The following B3GLCT variants were observed in gnomAD, a reference collection of about 807,000 sequenced individuals.
B3GLCT encodes the protein beta 3-glucosyltransferase.
Under a neutral mutation model 63.4 loss-of-function variants are expected in B3GLCT, and 65 were observed. The ratio of observed to expected loss-of-function variants is 1.03; its 90% CI spans 0.84 to 1.26. B3GLCT has a LOEUF of 1.26. B3GLCT is among the 50% of genes most tolerant of loss of function. The pLI is 0.00. For synonymous variants in B3GLCT, 233 were observed against 219.2 expected, an observed-to-expected ratio of 1.06 and a Z score of -0.55; for missense variants, 577 against 604.8, an observed-to-expected ratio of 0.95 and a Z score of 0.48.
At chr13:31,256,599 A>G (rs1234666889) in intron 6 of B3GLCT, among the ~76,000 whole-genome samples, 1 of 152,232 alleles carries the variant, frequency 6.6e-6, no homozygotes, top group African/African-American at 2.4e-5. Context: ...GCCATAAAAA[A>G]GGACGAGTTC....
intron 1 of B3GLCT, among the ~76,000 whole-genome samples, chr13:31,202,595 G>A (rs985289822): frequency 9.9e-5 from 15 of 152,174 alleles, no homozygotes; most frequent in African/African-American, 3.6e-4. Context: ...GGCAGCGGTG[G>A]CAGCAGCACT....
chr13:31,286,108 T>C (rs534859930), intron 11 of B3GLCT, among the ~76,000 whole-genome samples: 1 of 152,306 alleles, frequency 6.6e-6, no homozygotes, highest in Admixed American at 6.5e-5. Flanking sequence ...TCCCAAGTGT[T>C]TTATTTTTGT....
chr13:31,215,233 T>A lies in B3GLCT; in HGVS notation c.120+133T>A, dbSNP rs1869500240. 5 of 985,812 alleles carry A rather than the reference T, an allele frequency of 5.1e-6. No homozygotes were observed. In the South Asian group the frequency reaches 7.2e-5, roughly 14 times the overall value. The allele number at this position is 985,812 out of a possible 1,614,324, so 61.1% of individuals were successfully genotyped here. On this transcript the variant is annotated intron_variant, in intron 2 of 14. Coordinates refer to ENST00000343307, the MANE Select transcript of B3GLCT (RefSeq NM_194318.4). ...CATAATTCATATAATGTGGTCAACA[T>A]GGATTTTGAATCCCTAATGCAACCT...
chr13:31,236,308 A>G lies in B3GLCT; in HGVS notation c.270+7014A>G, dbSNP rs897658023. ...TTTTAGTGCTTTATTCTATGCATCT[A>G]TTTAGCTTTATCACGCTTATACTTA... On this transcript the variant is annotated intron_variant, in intron 4 of 14. Transcript: ENST00000343307. Among the ~76,000 whole-genome samples the G allele has an allele frequency of 5.9e-5, 9 of 152,192 alleles. No individual in the cohort carries two copies. The East Asian group carries it at 1.5e-3, about 26-fold the overall frequency.
At chr13:31,282,484 C>CA (rs956722497) in intron 10 of B3GLCT, among the ~76,000 whole-genome samples, 82 of 151,208 alleles carry the variant, frequency 5.4e-4, no homozygotes, top group African/African-American at 1.8e-3. Flanking sequence ...CTAAAAAATA[C>CA]AAAAAAAATT....
chr13:31,322,272 T>A (rs1027840260), intron 13 of B3GLCT, among the ~76,000 whole-genome samples: 1 of 152,252 alleles, frequency 6.6e-6, no homozygotes, highest in Non-Finnish European at 1.5e-5. Context: ...TGCCATGACC[T>A]ATTTATTGGC....
At position 31,332,234 on chromosome 13, in the gene B3GLCT, T is replaced by C. The variant is rs1405240443; in HGVS notation, c.*2566T>C. ...TGTCTTCCATTCATAATCAGAGATG[T>C]AATTTGTATGGACTAAATAAAAACT... On this transcript the variant is annotated 3_prime_UTR_variant, in exon 15 of 15. Transcript: ENST00000343307. The C allele has an allele frequency of 6.6e-6, 1 of 152,148 alleles. No homozygotes were observed. Among genetic ancestry groups the C allele is most frequent in the Non-Finnish European group, 1.5e-5 (1 of 68,012 alleles). The allele number at this position is 152,148 out of a possible 1,614,324, so 9.4% of individuals were successfully genotyped here.
At chr13:31,251,456 GC>G (rs1432482957) in intron 6 of B3GLCT, among the ~76,000 whole-genome samples, 2 of 152,204 alleles carry the variant, frequency 1.3e-5, no homozygotes, top group Non-Finnish European at 2.9e-5. Flanking sequence ...GTGCAAGGAA[GC>G]TAAGAACCTT....
rs1216965487 is a variant in B3GLCT, at chr13:31,330,725, A to G, written c.*1057A>G. On this transcript the variant is annotated 3_prime_UTR_variant, in exon 15 of 15. Coordinates refer to ENST00000343307, the MANE Select transcript of B3GLCT (RefSeq NM_194318.4). ...TCTTTAATATATAGTAATGTAACAT[A>G]TTCAGTATTAATGTATAAAAAGCAC... The G allele has an allele frequency of 6.6e-6, 1 of 152,182 alleles. No homozygotes were observed. The highest frequency in any genetic ancestry group is 6.5e-5 in the Admixed American group (1 of 15,278). 9.4% of individuals were successfully genotyped at this position (152,182 alleles called of 1,614,324 possible).
At chr13:31,202,533 C>T (rs542710990) in intron 1 of B3GLCT, among the ~76,000 whole-genome samples, 1 of 152,228 alleles carries the variant, frequency 6.6e-6, no homozygotes, top group South Asian at 2.1e-4. Flanking sequence ...CCTTGTTTTC[C>T]TAACAAAACT....
At chr13:31,325,751 G>T (rs532561734) in intron 14 of B3GLCT, among the ~76,000 whole-genome samples, 1 of 152,256 alleles carries the variant, frequency 6.6e-6, no homozygotes, top group South Asian at 2.1e-4. Flanking sequence ...TCCATTTATA[G>T]TGTTTAAACA....
chr13:31,235,275 G>A (rs1176971002), intron 4 of B3GLCT, among the ~76,000 whole-genome samples: 1 of 152,076 alleles, frequency 6.6e-6, no homozygotes, highest in Non-Finnish European at 1.5e-5. Context: ...GGTGTGAGTA[G>A]CTGGAGGCTG....
chr13:31,258,332 A>G (rs1871844838), intron 6 of B3GLCT, among the ~76,000 whole-genome samples: 1 of 152,192 alleles, frequency 6.6e-6, no homozygotes, highest in Non-Finnish European at 1.5e-5. Context: ...TTAAAAACCT[A>G]AGACTTGAGA....
chr13:31,301,409 C>G (rs1874216889), intron 12 of B3GLCT, among the ~76,000 whole-genome samples: 1 of 152,222 alleles, frequency 6.6e-6, no homozygotes, highest in African/African-American at 2.4e-5. Flanking sequence ...TACATATCTT[C>G]TGTTTTACAG....
At chr13:31,270,984 G>A (rs1055564522) in intron 8 of B3GLCT, among the ~76,000 whole-genome samples, 14 of 152,102 alleles carry the variant, frequency 9.2e-5, no homozygotes, top group African/African-American at 3.4e-4. Context: ...TGAATACCAG[G>A]GCCCCTACAC....
chr13:31,240,474 T>C (rs1259900052), intron 4 of B3GLCT, among the ~76,000 whole-genome samples: 2 of 80,520 alleles, frequency 2.5e-5, no homozygotes, highest in African/African-American at 7.2e-5. Flanking sequence ...TTAGTTTTTT[T>C]TTTCTTTTTT....
chr13:31,292,750 C>T (rs1171217738), intron 12 of B3GLCT, among the ~76,000 whole-genome samples: 1 of 147,706 alleles, frequency 6.8e-6, no homozygotes, highest in Non-Finnish European at 1.5e-5. Context: ...TTAATCTTTT[C>T]AAAAAACCAG....
At chr13:31,204,556 C>A (rs547459532) in intron 1 of B3GLCT, among the ~76,000 whole-genome samples, 1 of 152,134 alleles carries the variant, frequency 6.6e-6, no homozygotes, top group East Asian at 1.9e-4. Context: ...GAAGGGCTGG[C>A]AAGATCATTA....
chr13:31,251,710 G>A (rs1834214052), intron 6 of B3GLCT, among the ~76,000 whole-genome samples: 1 of 152,132 alleles, frequency 6.6e-6, no homozygotes, highest in African/African-American at 2.4e-5. Flanking sequence ...AAGAAATATG[G>A]GACTGTGTGA....
Sources: allele counts gnomAD v4.1 joint callset (sites outside exome capture counted in the v4.1 genomes callset), GRCh38; gene constraint gnomAD v4.1.1; transcripts MANE v1.5; gene names NCBI Gene and HGNC (gene_info 2026-07-23, HGNC 2026-07-21).